NAV2: variants seen among roughly 807,000 people sequenced by gnomAD.
The protein encoded by NAV2 is neuron navigator 2, also known as helicase, APC down-regulated 1.
A neutral mutation model predicts 223.2 loss-of-function variants in NAV2; 54 were observed. The observed-to-expected ratio is 0.24, with a 90% confidence interval of 0.19 to 0.30. NAV2 has a LOEUF of 0.30. NAV2 is among the 10% of genes least tolerant of loss of function. The probability of loss-of-function intolerance (pLI) is 1.00; values close to 1 mark genes in which losing one functional copy is unlikely to be tolerated. For missense variants in NAV2, 2,806 were observed against 3,147.5 expected (o/e 0.89, Z 2.60); for synonymous variants, 1,279 against 1,239.3 (o/e 1.03, Z -0.67).
intron 11 of NAV2, among the ~76,000 whole-genome samples, chr11:20,006,031 C>T (rs2053037884): frequency 6.6e-6 from 1 of 151,840 alleles, no homozygotes. Context: ...GGGTGGATCA[C>T]CTGAGGTCAG....
At chr11:19,635,355 C>A (rs2047464533) in intron 1 of NAV2, among the ~76,000 whole-genome samples, 1 of 152,056 alleles carries the variant, frequency 6.6e-6, no homozygotes, top group Non-Finnish European at 1.5e-5. Flanking sequence ...GTGTGGACGA[C>A]AGATTATGAA....
intron 1 of NAV2, among the ~76,000 whole-genome samples, chr11:19,747,288 T>A (rs1190519976): frequency 6.6e-6 from 1 of 152,028 alleles, no homozygotes; most frequent in African/African-American, 2.4e-5. Context: ...TAATCCAGTC[T>A]ATCATTGTTG....
chr11:19,879,982 G>A lies in NAV2; in HGVS notation c.625G>A (p.Ala209Thr), dbSNP rs775361258. The change falls in exon 5 of 38, where the codon GCC becomes ACC. Residue 209 changes from alanine (A) to threonine (T), a missense_variant. Physicochemically the swap from Ala to Thr is moderately conservative, Grantham distance 58 (BLOSUM62 0). Transcript: ENST00000349880. ...KQHLSSPLPP[A>T]VSQVAGAPSQ... Reference sequence around the variant, plus strand: ...GCACCTCTCCTCACCTCTGCCGCCCGCCGTATCCCAGGTGGCCGGGGCCCC... The same window carrying A: ...GCACCTCTCCTCACCTCTGCCGCCCACCGTATCCCAGGTGGCCGGGGCCCC... 1.5e-5 allele frequency: 24 copies of A among 1,613,466 alleles called. No homozygotes were observed. Among genetic ancestry groups the A allele is most frequent in the East Asian group, 4.5e-5 (2 of 44,842 alleles).
At chr11:19,626,755 T>A (rs563888046) in intron 1 of NAV2, among the ~76,000 whole-genome samples, 1 of 152,358 alleles carries the variant, frequency 6.6e-6, no homozygotes, top group Admixed American at 6.5e-5. Context: ...TTCTGTTAAC[T>A]TTATTCCTAG....
intron 9 of NAV2, among the ~76,000 whole-genome samples, chr11:19,948,102 G>A (rs1739476243): frequency 1.3e-5 from 2 of 151,604 alleles, no homozygotes; most frequent in South Asian, 4.2e-4. Flanking sequence ...TTTTGCCGGG[G>A]GGGATGGAGT....
intron 1 of NAV2, among the ~76,000 whole-genome samples, chr11:19,495,742 C>T (rs2042773396): frequency 6.6e-6 from 1 of 151,920 alleles, no homozygotes; most frequent in Non-Finnish European, 1.5e-5. Context: ...TGTAAATATA[C>T]ATATTTTTAT....
At chr11:19,954,837 A>G (rs774359989) in intron 10 of NAV2, among the ~76,000 whole-genome samples, 4 of 146,560 alleles carry the variant, frequency 2.7e-5, no homozygotes, top group Non-Finnish European at 6.0e-5. Flanking sequence ...TAGTGTTTGT[A>G]TGTATGTATG....
chr11:19,384,157 A>T (rs534414378), intron 1 of NAV2, among the ~76,000 whole-genome samples: 3 of 152,390 alleles, frequency 2.0e-5, no homozygotes, highest in African/African-American at 7.2e-5. Flanking sequence ...TTCCATGAAC[A>T]CATTTTTAAA....
At chr11:19,573,950 G>A (rs1244630250) in intron 1 of NAV2, among the ~76,000 whole-genome samples, 1 of 152,180 alleles carries the variant, frequency 6.6e-6, no homozygotes, top group Non-Finnish European at 1.5e-5. Context: ...GGATGACTGG[G>A]GATTGTCTGA....
intron 1 of NAV2, among the ~76,000 whole-genome samples, chr11:19,652,627 G>A (rs1406699316): frequency 2.0e-5 from 3 of 152,130 alleles, no homozygotes; most frequent in Admixed American, 2.0e-4. Flanking sequence ...AGCACAGAAG[G>A]ATGCGTGGTA....
chr11:19,371,296 G>A (rs1331801768), intron 1 of NAV2, among the ~76,000 whole-genome samples: 1 of 152,068 alleles, frequency 6.6e-6, no homozygotes, highest in Non-Finnish European at 1.5e-5. Context: ...AAGTGTGGAG[G>A]AGCCAGCACT....
chr11:19,493,204 C>T (rs906201048), intron 1 of NAV2, among the ~76,000 whole-genome samples: 24 of 151,738 alleles, frequency 1.6e-4, no homozygotes, highest in African/African-American at 5.6e-4. Context: ...GTTCTTCCCT[C>T]CCCCCATTAT....
chr11:19,905,403 T>A (rs2042786717), intron 6 of NAV2, among the ~76,000 whole-genome samples: 1 of 152,246 alleles, frequency 6.6e-6, no homozygotes, highest in South Asian at 2.1e-4. Context: ...ATAGGAATGT[T>A]CATGCAAATT....
intron 12 of NAV2, among the ~76,000 whole-genome samples, chr11:20,039,645 G>A (rs778878141): frequency 4.6e-5 from 7 of 152,152 alleles, no homozygotes; most frequent in East Asian, 1.9e-4. Flanking sequence ...ACAAACACAC[G>A]CAACTCCCTC....
At chr11:19,522,239 A>G (rs1241873627) in intron 1 of NAV2, among the ~76,000 whole-genome samples, 6 of 148,154 alleles carry the variant, frequency 4.0e-5, no homozygotes, top group Middle Eastern at 6.9e-3. Context: ...AGACAGGCTC[A>G]AAATGAAGCC....
chr11:19,670,854 C>A (rs1283064110), intron 1 of NAV2, among the ~76,000 whole-genome samples: 1 of 152,218 alleles, frequency 6.6e-6, no homozygotes, highest in Non-Finnish European at 1.5e-5. Context: ...CCCTGTCTTC[C>A]CCAGTGGCCT....
chr11:19,641,288 A>G (rs1239740012), intron 1 of NAV2, among the ~76,000 whole-genome samples: 1 of 152,130 alleles, frequency 6.6e-6, no homozygotes, highest in Non-Finnish European at 1.5e-5. Context: ...CTTACCCTCT[A>G]TATTCAATCT....
At chr11:20,058,999 C>T (rs1200825174) in intron 19 of NAV2, among the ~76,000 whole-genome samples, 2 of 151,988 alleles carry the variant, frequency 1.3e-5, no homozygotes, top group Non-Finnish European at 2.9e-5. Context: ...TATGCAGCCA[C>T]AATGATGTCT....
intron 10 of NAV2, among the ~76,000 whole-genome samples, chr11:19,976,057 A>G (rs2153436542): frequency 6.6e-6 from 1 of 152,338 alleles, no homozygotes; most frequent in South Asian, 2.1e-4. Context: ...GTGCAAAAAC[A>G]TAGGAATCAG....
Sources: allele counts gnomAD v4.1 joint callset (sites outside exome capture counted in the v4.1 genomes callset), GRCh38; gene constraint gnomAD v4.1.1; transcripts MANE v1.5; gene names NCBI Gene and HGNC (gene_info 2026-07-23, HGNC 2026-07-21).